Variants in PDE10A observed in about 807,000 individuals in gnomAD.
PDE10A encodes the protein cAMP and cAMP-inhibited cGMP 3',5'-cyclic phosphodiesterase 10A.
PDE10A carries 39 observed loss-of-function variants against 97.7 expected under a neutral mutation model. The observed-to-expected ratio is 0.40, with a 90% CI of 0.31 to 0.52. PDE10A has a LOEUF of 0.52. PDE10A is among the 20% of genes least tolerant of loss of function. PDE10A has a pLI of 0.56. For synonymous variants in PDE10A, 371 were observed against 376.8 expected (o/e 0.98, Z 0.18); for missense variants, 731 against 1,047.8 (o/e 0.70, Z 4.17).
chr6:165,329,175 G>A lies in PDE10A; in HGVS notation c.*3850C>T, dbSNP rs1350426402. 1 of 152,160 alleles carries A rather than the reference G, an allele frequency of 6.6e-6. No homozygotes were observed. The highest frequency in any genetic ancestry group is 6.5e-5 in the Admixed American group (1 of 15,270). 9.4% of individuals were successfully genotyped at this position (152,160 alleles called of 1,614,324 possible). ...AAGTGATTTTAAAAATCATGCTTAG[G>A]TACCTGAAACCCCCCAAAATCACAT... is the stretch of plus-strand genomic sequence containing the variant. On this transcript the variant is annotated 3_prime_UTR_variant, in exon 22 of 22. Transcript: ENST00000539869.
intron 1 of PDE10A, among the ~76,000 whole-genome samples, chr6:165,859,825 A>T (rs902084429): frequency 1.3e-5 from 2 of 152,212 alleles, no homozygotes; most frequent in South Asian, 4.1e-4. Flanking sequence ...GGTAAAGAAT[A>T]TATCATATAT....
At chr6:165,896,587 CA>C (rs1781955728) in intron 1 of PDE10A, among the ~76,000 whole-genome samples, 1 of 147,390 alleles carries the variant, frequency 6.8e-6, no homozygotes, top group Non-Finnish European at 1.5e-5. Flanking sequence ...TACAGTGGCG[CA>C]ATCTCGGCTC....
chr6:165,556,366 G>T (rs1237503941), intron 1 of PDE10A, among the ~76,000 whole-genome samples: 1 of 152,260 alleles, frequency 6.6e-6, no homozygotes, highest in East Asian at 1.9e-4. Flanking sequence ...AGGGGCCAAG[G>T]GTTTGGTCAA....
intron 2 of PDE10A, among the ~76,000 whole-genome samples, chr6:165,484,374 C>G (rs1273126848): frequency 6.6e-6 from 1 of 152,196 alleles, no homozygotes; most frequent in Non-Finnish European, 1.5e-5. Context: ...AAGCTTCATC[C>G]GTATTCACAA....
Position 165,331,112 on chromosome 6 carries a change from GTGTGTA to G in PDE10A, c.*1907_*1912del, listed in dbSNP as rs1427797330. 13 of 140,718 alleles carry G rather than the reference GTGTGTA, an allele frequency of 9.2e-5. No homozygotes were observed. The highest frequency in any genetic ancestry group is 7.0e-4 in the Admixed American group (10 of 14,346). 8.7% of individuals were successfully genotyped at this position (140,718 alleles called of 1,614,324 possible). A position where few individuals can be genotyped will look rare whatever the true frequency, so the allele number is the denominator to read the frequency against. ...CTCTCTTTCCTTCTGTCTCTCGTGT[GTGTGTA>G]TGTGTATGTATCATATATACACATA... On this transcript the variant is annotated 3_prime_UTR_variant, in exon 22 of 22. Coordinates refer to ENST00000539869, the MANE Select transcript of PDE10A (RefSeq NM_001385079.1).
intron 1 of PDE10A, among the ~76,000 whole-genome samples, chr6:165,808,211 G>A (rs1204192880): frequency 6.6e-6 from 1 of 152,194 alleles, no homozygotes; most frequent in Non-Finnish European, 1.5e-5. Flanking sequence ...ACAATTTGCT[G>A]AGGGTCAGTC....
At chr6:165,580,045 T>A (rs935170732) in intron 1 of PDE10A, among the ~76,000 whole-genome samples, 5 of 152,200 alleles carry the variant, frequency 3.3e-5, no homozygotes, top group Non-Finnish European at 7.3e-5. Flanking sequence ...CCTACATAAT[T>A]TACTTTTATT....
intron 1 of PDE10A, among the ~76,000 whole-genome samples, chr6:165,840,493 T>C (rs1364440196): frequency 6.6e-6 from 1 of 152,222 alleles, no homozygotes; most frequent in Non-Finnish European, 1.5e-5. Context: ...AAAAAGCAGA[T>C]GTCCCCTTAA....
At chr6:165,422,176 A>T (rs1359004197) in intron 10 of PDE10A, among the ~76,000 whole-genome samples, 1 of 152,210 alleles carries the variant, frequency 6.6e-6, no homozygotes, top group Non-Finnish European at 1.5e-5. Flanking sequence ...AGATGCTGAA[A>T]AGGAGTTAAA....
At chr6:165,644,307 G>A (rs766459701) in intron 1 of PDE10A, among the ~76,000 whole-genome samples, 7 of 152,170 alleles carry the variant, frequency 4.6e-5, no homozygotes, top group South Asian at 2.1e-4. Context: ...GTGATCTGCC[G>A]GCCTCGGCCT....
At chr6:165,500,816 T>A (rs1403047965) in intron 2 of PDE10A, among the ~76,000 whole-genome samples, 1 of 152,036 alleles carries the variant, frequency 6.6e-6, no homozygotes. Context: ...CCCGATTGTA[T>A]GTTCTATTTA....
chr6:165,523,043 A>T (rs1782224051), intron 2 of PDE10A, among the ~76,000 whole-genome samples: 1 of 152,152 alleles, frequency 6.6e-6, no homozygotes, highest in Non-Finnish European at 1.5e-5. Flanking sequence ...AATAAAAAAA[A>T]ATACCTAGGA....
intron 3 of PDE10A, among the ~76,000 whole-genome samples, chr6:165,462,519 C>T (rs1357012619): frequency 4.6e-5 from 7 of 152,180 alleles, no homozygotes; most frequent in Non-Finnish European, 7.3e-5. Flanking sequence ...GCCATCAAGA[C>T]ACCTAAAACC....
At chr6:165,712,518 A>G (rs949237196) in intron 1 of PDE10A, among the ~76,000 whole-genome samples, 2 of 152,148 alleles carry the variant, frequency 1.3e-5, no homozygotes, top group Non-Finnish European at 2.9e-5. Context: ...GTTGTGAAAC[A>G]CCAAAGCGGC....
chr6:165,462,963 C>T (rs2146320), intron 3 of PDE10A, among the ~76,000 whole-genome samples: 4,247 of 152,236 alleles, frequency 0.028, 201 homozygotes, highest in African/African-American at 0.095. Context: ...CCTCAAAAAC[C>T]TTTTTGTAAA....
At chr6:165,585,745 C>T (rs61410629) in intron 1 of PDE10A, among the ~76,000 whole-genome samples, 23,936 of 152,084 alleles carry the variant, frequency 0.16, 1,966 homozygotes, top group Admixed American at 0.21. Context: ...ACGTTTGTGG[C>T]ATTTGTTAGA....
intron 13 of PDE10A, among the ~76,000 whole-genome samples, chr6:165,411,720 T>C (rs1158697191): frequency 1.3e-5 from 2 of 152,178 alleles, no homozygotes; most frequent in African/African-American, 2.4e-5. Context: ...TTAGGAGTTA[T>C]GAGACATTAC....
Position 165,400,755 on chromosome 6 carries a change from A to G in PDE10A, c.2077-4296T>C, listed in dbSNP as rs577802324. ...TCTATGGCCACTTAAAGGCTTGTACACAGACCAACTGTTTGTTTGTAGCTT... is the reference window on the plus strand; with the variant it reads ...TCTATGGCCACTTAAAGGCTTGTACGCAGACCAACTGTTTGTTTGTAGCTT... On this transcript the variant is annotated intron_variant, in intron 13 of 21. Transcript: ENST00000539869. Among the ~76,000 whole-genome samples the G allele has an allele frequency of 2.6e-5, 4 of 152,346 alleles. No homozygotes were observed. The South Asian group carries it at 6.2e-4, about 24-fold the overall frequency.
intron 2 of PDE10A, among the ~76,000 whole-genome samples, chr6:165,484,412 G>C (rs1251646545): frequency 6.6e-6 from 1 of 152,236 alleles, no homozygotes; most frequent in Non-Finnish European, 1.5e-5. Context: ...GTTACTGCCT[G>C]AGCTCCGCCT....
Sources: allele counts gnomAD v4.1 joint callset (sites outside exome capture counted in the v4.1 genomes callset), GRCh38; gene constraint gnomAD v4.1.1; transcripts MANE v1.5; gene names NCBI Gene and HGNC (gene_info 2026-07-23, HGNC 2026-07-21).